LTN1: variants seen among roughly 807,000 people sequenced by gnomAD.
LTN1 encodes E3 ubiquitin-protein ligase listerin.
Under a neutral mutation model 201.2 loss-of-function variants are expected in LTN1, and 88 were observed. The observed-to-expected ratio is 0.44, with a 90% confidence interval of 0.37 to 0.52. The LOEUF (loss-of-function observed/expected upper bound fraction) is 0.52, where lower values mean the gene tolerates loss of function less well. LTN1 is among the 20% of genes least tolerant of loss of function. The pLI is 0.00. For missense variants in LTN1, 1,752 were observed against 2,038.7 expected (o/e 0.86, Z 2.71); for synonymous variants, 645 against 713.5 (o/e 0.90, Z 1.53).
chr21:28,936,623 A>G lies in LTN1; in HGVS notation c.4557T>C (p.Leu1519=). 6.2e-7 allele frequency: 1 copy of G among 1,613,990 alleles called. No homozygotes were observed. Among genetic ancestry groups the G allele is most frequent in the East Asian group, 2.2e-5 (1 of 44,876 alleles). Residue 1519 remains leucine, a synonymous_variant, in exon 26 of 30, where the codon CTT becomes CTC. Transcript: ENST00000361371. Reference sequence around the variant, plus strand: ...CTGCATAGGTTGGATTTTCTGGCATAAGCCTGAACAGGTGATAGAGCAATT... The same window carrying G: ...CTGCATAGGTTGGATTTTCTGGCATGAGCCTGAACAGGTGATAGAGCAATT... The part of the protein sequence containing the change: ...LNKLLYHLFR[L]MPENPTYAET...
intron 6 of LTN1, among the ~76,000 whole-genome samples, chr21:28,973,346 CA>C (rs771261669): frequency 0.016 from 1,019 of 61,786 alleles, 2 homozygotes; most frequent in African/African-American, 0.05. Flanking sequence ...GAATCCGTCC[CA>C]AAAAAAAAAA....
At chr21:28,934,110 G>A (rs1289036794) in intron 27 of LTN1, among the ~76,000 whole-genome samples, 1 of 150,442 alleles carries the variant, frequency 6.6e-6, no homozygotes, top group Non-Finnish European at 1.5e-5. Context: ...AGATCACAAG[G>A]CACTCTTTCT....
intron 29 of LTN1, 62 bp downstream of exon 29, chr21:28,931,093 G>T (rs1446354782): frequency 3.2e-6 from 3 of 925,656 alleles, no homozygotes; most frequent in East Asian, 4.9e-5. Context: ...GTGTGTGTGT[G>T]TGTGTGTTTA....
rs553371151 is a variant in LTN1, at chr21:28,984,613, G to C, written c.576+79C>G. ...CTTACTCATTCCCCTACAATCCCAAGTAAAAGAGCTGTCATTATGCTTATA... is the reference window on the plus strand; with the variant it reads ...CTTACTCATTCCCCTACAATCCCAACTAAAAGAGCTGTCATTATGCTTATA... On this transcript the variant is annotated intron_variant, in intron 4 of 29. Transcript: ENST00000361371. 1.6e-5 allele frequency: 16 copies of C among 1,010,886 alleles called. No homozygotes were observed. In the African/African-American group the frequency reaches 2.1e-4, roughly 13 times the overall value. The allele number at this position is 1,010,886 out of a possible 1,614,324, so 62.6% of individuals were successfully genotyped here.
At chr21:28,941,492 T>A (rs2084297460) in intron 24 of LTN1, 86 bp from the exon 25 acceptor site, 2 of 1,125,336 alleles carry the variant, frequency 1.8e-6, no homozygotes, top group Non-Finnish European at 2.5e-6. Context: ...TCAAGCATTT[T>A]AGAAAAATTT....
intron 18 of LTN1, among the ~76,000 whole-genome samples, chr21:28,950,745 CT>C (rs2084375418): frequency 6.6e-6 from 1 of 152,168 alleles, no homozygotes; most frequent in African/African-American, 2.4e-5. Context: ...AACTCCTGGG[CT>C]CAAGCTGTCC....
chr21:28,931,249 C>G lies in LTN1; in HGVS notation c.5144G>C (p.Cys1715Ser). The change falls in exon 29 of 30, where the codon TGC becomes TCC. Residue 1715 changes from cysteine (C) to serine (S), a missense_variant. Cys to Ser is a moderately radical substitution (Grantham distance 112). Coordinates refer to ENST00000361371, the MANE Select transcript of LTN1 (RefSeq NM_015565.3). Reference protein sequence around the residue: ...VDKRFEGVEDCMICFSVIHGF... With the variant: ...VDKRFEGVEDSMICFSVIHGF... ...GTGAATGACTGAGAAACAGATCATGCAATCTTCAACACCCTCAAAACGTTT... is the reference window on the plus strand; with the variant it reads ...GTGAATGACTGAGAAACAGATCATGGAATCTTCAACACCCTCAAAACGTTT... 2 of 1,612,646 alleles carry G rather than the reference C, an allele frequency of 1.2e-6. No homozygotes were observed. Among genetic ancestry groups the G allele is most frequent in the Non-Finnish European group, 1.7e-6 (2 of 1,178,810 alleles).
intron 16 of LTN1, 83 bp from the exon 17 acceptor site, chr21:28,953,459 C>T: frequency 9.7e-7 from 1 of 1,025,788 alleles, no homozygotes; most frequent in Non-Finnish European, 1.4e-6. Flanking sequence ...ACCTTGTTTT[C>T]TAACACTGTT....
intron 11 of LTN1, among the ~76,000 whole-genome samples, chr21:28,964,316 C>T (rs978914288): frequency 1.3e-5 from 2 of 152,192 alleles, no homozygotes; most frequent in Non-Finnish European, 2.9e-5. Context: ...TCAGATACCA[C>T]CACCCTGGTC....
intron 3 of LTN1, 97 bp from the exon 4 acceptor site, chr21:28,985,019 C>A (rs1308298506): frequency 5.2e-6 from 4 of 776,402 alleles, no homozygotes; most frequent in Non-Finnish European, 8.3e-6. Flanking sequence ...ACCAAGAATT[C>A]ACCTATGTAT....
At chr21:28,951,411 C>T (rs577513040) in intron 18 of LTN1, among the ~76,000 whole-genome samples, 5 of 152,222 alleles carry the variant, frequency 3.3e-5, no homozygotes, top group Non-Finnish European at 7.4e-5. Flanking sequence ...ACTTCTTTGT[C>T]TTAAGAACAG....
intron 14 of LTN1, among the ~76,000 whole-genome samples, 194 bp downstream of exon 14, chr21:28,958,192 A>G (rs1174216366): frequency 1.3e-5 from 2 of 152,028 alleles, no homozygotes; most frequent in African/African-American, 4.8e-5. Context: ...GCATCTCACT[A>G]TGTTGCTCAG....
chr21:28,934,359 C>G (rs565449244), intron 27 of LTN1, among the ~76,000 whole-genome samples: 1 of 152,270 alleles, frequency 6.6e-6, no homozygotes, highest in East Asian at 1.9e-4. Flanking sequence ...GCTCAAATCT[C>G]ATGCTGAATT....
chr21:28,971,890 C>A (rs2084577973), intron 6 of LTN1, among the ~76,000 whole-genome samples: 1 of 152,066 alleles, frequency 6.6e-6, no homozygotes, highest in Admixed American at 6.5e-5. Flanking sequence ...AAAAAGGATC[C>A]TGGAAAAAGC....
At chr21:28,932,711 A>C in intron 27 of LTN1, 47 bp from the exon 28 acceptor site, 1 of 1,342,900 alleles carries the variant, frequency 7.4e-7, no homozygotes, top group Non-Finnish European at 1.0e-6. Context: ...TCTGTCTTTC[A>C]ACCAGAAAAC....
chr21:28,959,195 G>A (rs1393456983), intron 13 of LTN1, among the ~76,000 whole-genome samples: 1 of 152,174 alleles, frequency 6.6e-6, no homozygotes, highest in East Asian at 1.9e-4. Context: ...CAGAACTACT[G>A]AATGGACTAA....
At chr21:28,988,071 G>A (rs531742432) in intron 1 of LTN1, among the ~76,000 whole-genome samples, 2 of 150,740 alleles carry the variant, frequency 1.3e-5, no homozygotes, top group Non-Finnish European at 2.9e-5. Flanking sequence ...TGAACCGGAA[G>A]GCAGAGGTTG....
chr21:28,957,513 C>A (rs148201920), intron 14 of LTN1, 37 bp from the exon 15 acceptor site: 1 of 1,471,168 alleles, frequency 6.8e-7, no homozygotes, highest in Non-Finnish European at 9.1e-7. Flanking sequence ...GTTGTAGTTA[C>A]GCTATGACTA....
chr21:28,943,206 A>T (rs2084310860), intron 24 of LTN1, 56 bp downstream of exon 24: 10 of 1,049,924 alleles, frequency 9.5e-6, no homozygotes, highest in Non-Finnish European at 1.3e-5. Context: ...TAAAGACATT[A>T]TAAGTGAGAT....
Sources: gnomAD v4.1 joint callset for allele counts (sites outside exome capture counted in the v4.1 genomes callset) on GRCh38, gnomAD v4.1.1 for gene constraint, MANE v1.5 for transcripts, NCBI Gene and HGNC (gene_info 2026-07-23, HGNC 2026-07-21) for gene names.